The following WDR20 variants were observed in gnomAD, a reference collection of about 807,000 sequenced individuals.
WDR20 encodes the protein WD repeat domain 20, also known as WD repeat-containing protein 20.
A neutral mutation model predicts 38.7 loss-of-function variants in WDR20; 3 were observed. The ratio of observed to expected loss-of-function variants is 0.08; its 90% CI spans 0.04 to 0.20. The LOEUF is 0.20. Among genes scored for constraint, WDR20 ranks in the 10% least tolerant of loss-of-function variants. The pLI is 1.00. For missense variants in WDR20, 559 were observed against 727.7 expected, an observed-to-expected ratio of 0.77 and a Z score of 2.67; for synonymous variants, 298 against 285.6, an observed-to-expected ratio of 1.04 and a Z score of -0.44.
chr14:102,149,074 A>G (rs536551836), intron 1 of WDR20, among the ~76,000 whole-genome samples: 25 of 152,220 alleles, frequency 1.6e-4, no homozygotes, highest in African/African-American at 4.8e-4. Context: ...GAGGCAGGAG[A>G]ATACTTGAAC....
chr14:102,211,757 C>T (rs1183463796), downstream of WDR20, among the ~76,000 whole-genome samples: 1 of 152,220 alleles, frequency 6.6e-6, no homozygotes, highest in Non-Finnish European at 1.5e-5. The surrounding 1 kb of genome is among the most constrained non-coding windows in gnomAD (Gnocchi z 4.2). Flanking sequence ...GCAACTTTTG[C>T]ACCTACATAG....
chr14:102,193,368 C>T (rs2058860539), intron 1 of WDR20: 6 of 1,325,968 alleles, frequency 4.5e-6, no homozygotes, highest in African/African-American at 2.9e-5. Context: ...CTTTTCTCCT[C>T]GCTCCAGTCA....
chr14:102,171,256 T>TC lies in WDR20; in HGVS notation c.250-23682_250-23681insC, dbSNP rs551136051. 5.9e-3 allele frequency: 425 copies of TC among 71,598 alleles called. 6 individuals are homozygous for TC. Among genetic ancestry groups the TC allele is most frequent in the East Asian group, 0.048 (175 of 3,622 alleles). The allele number at this position is 71,598 out of a possible 1,614,324, so 4.4% of individuals were successfully genotyped here. ...CAAGCCACTGCGCCTGGCCTCTCTC[T>TC]TTTTTTTTTTTTTTTTTTTTTTTAG... On this transcript the variant is annotated intron_variant, in intron 1 of 2. Coordinates refer to ENST00000342702, the MANE Select transcript of WDR20 (RefSeq NM_144574.4).
At chr14:102,180,570 G>A (rs1264530043) in intron 1 of WDR20, among the ~76,000 whole-genome samples, 1 of 152,212 alleles carries the variant, frequency 6.6e-6, no homozygotes, top group African/African-American at 2.4e-5. Flanking sequence ...AGAATTTTGT[G>A]AGAGCAGGGC....
chr14:102,162,625 C>T (rs567840407), intron 1 of WDR20, among the ~76,000 whole-genome samples: 1 of 152,142 alleles, frequency 6.6e-6, no homozygotes, highest in Non-Finnish European at 1.5e-5. Flanking sequence ...CTCTCACGCT[C>T]TCTCGCCCTC....
At chr14:102,150,876 C>A (rs1227581400) in intron 1 of WDR20, among the ~76,000 whole-genome samples, 3 of 152,138 alleles carry the variant, frequency 2.0e-5, no homozygotes, top group African/African-American at 7.2e-5. Context: ...TGTTAAGAAT[C>A]TCTGCTGTCA....
intron 1 of WDR20, among the ~76,000 whole-genome samples, chr14:102,144,788 C>G (rs1380068687): frequency 2.6e-5 from 4 of 151,972 alleles, no homozygotes; most frequent in Non-Finnish European, 5.9e-5. Flanking sequence ...ACTGCAACCT[C>G]TGCCGCCCGG....
At chr14:102,219,871 G>A (rs895214744), downstream of WDR20, among the ~76,000 whole-genome samples, 6 of 152,230 alleles carry the variant, frequency 3.9e-5, no homozygotes, top group East Asian at 3.8e-4. Context: ...GTTTGAGGGC[G>A]GTTGATTCAA....
chr14:102,172,868 G>A (rs1332635060), intron 1 of WDR20, among the ~76,000 whole-genome samples: 1 of 146,224 alleles, frequency 6.8e-6, no homozygotes, highest in Non-Finnish European at 1.5e-5. Context: ...GCGGTTGCCA[G>A]GCGGAGGGTC....
downstream of WDR20, chr14:102,214,870 CTTTGT>C (rs1025030589): frequency 3.4e-5 from 33 of 981,772 alleles, no homozygotes; most frequent in Non-Finnish European, 3.6e-5. Context: ...TGTTTCACTG[CTTTGT>C]TTTTTTTTTT....
chr14:102,150,547 C>T (rs2055433788), intron 1 of WDR20, among the ~76,000 whole-genome samples: 1 of 152,178 alleles, frequency 6.6e-6, no homozygotes, highest in African/African-American at 2.4e-5. Flanking sequence ...ATTGCTCTGC[C>T]ATGAAGCTGT....
At chr14:102,169,985 T>A (rs1354611380) in intron 1 of WDR20, among the ~76,000 whole-genome samples, 1 of 152,184 alleles carries the variant, frequency 6.6e-6, no homozygotes, top group Admixed American at 6.5e-5. Context: ...AGTGCCACCC[T>A]GTCCCCCTCC....
At chr14:102,191,844 T>G (rs1255254339) in intron 1 of WDR20, among the ~76,000 whole-genome samples, 1 of 152,242 alleles carries the variant, frequency 6.6e-6, no homozygotes, top group African/African-American at 2.4e-5. Flanking sequence ...ACAGTGCCAC[T>G]CACACTAGTG....
At chr14:102,161,731 A>T (rs1276038579) in intron 1 of WDR20, among the ~76,000 whole-genome samples, 1 of 152,038 alleles carries the variant, frequency 6.6e-6, no homozygotes, top group Non-Finnish European at 1.5e-5. Context: ...TCTGCTTTCT[A>T]CCGTGTTTCA....
intron 1 of WDR20, among the ~76,000 whole-genome samples, chr14:102,175,925 C>G (rs2061955175): frequency 6.6e-6 from 1 of 152,106 alleles, no homozygotes; most frequent in South Asian, 2.1e-4. Flanking sequence ...TTACTGAATT[C>G]ATTTATCAGA....
At chr14:102,210,805 G>T (rs868284407), downstream of WDR20, among the ~76,000 whole-genome samples, 2 of 152,108 alleles carry the variant, frequency 1.3e-5, no homozygotes, top group African/African-American at 4.8e-5. Flanking sequence ...GCTTTGTTTC[G>T]TAAAGCCTGA....
rs35959723 is a variant in WDR20 at position 102,140,692 on chromosome 14, A to G, written c.249+520A>G. ...CCTGCTCGGCACGCAGGGCTACTCC[A>G]CCTGCTGCCGCACTGACACTTCCTA... On this transcript the variant is annotated intron_variant, in intron 1 of 2. Coordinates refer to ENST00000342702, the MANE Select transcript of WDR20 (RefSeq NM_144574.4). Among the ~76,000 whole-genome samples the G allele has an allele frequency of 1.2e-3, 178 of 152,270 alleles. 1 individual carries two copies. The highest frequency in any genetic ancestry group is 4.1e-3 in the African/African-American group (170 of 41,544).
intron 1 of WDR20, among the ~76,000 whole-genome samples, chr14:102,165,220 T>G (rs2059518247): frequency 6.6e-6 from 1 of 152,174 alleles, no homozygotes; most frequent in Admixed American, 6.5e-5. Flanking sequence ...CCTCCTCAGC[T>G]CCAGAGCTCC....
chr14:102,170,966 T>A (rs777206004), intron 1 of WDR20, among the ~76,000 whole-genome samples: 126 of 152,194 alleles, frequency 8.3e-4, no homozygotes, highest in African/African-American at 2.9e-3. Flanking sequence ...TTTTAATAAT[T>A]ATTATTATTT....
Sources: gnomAD v4.1 joint callset for allele counts (sites outside exome capture counted in the v4.1 genomes callset) on GRCh38, gnomAD v4.1.1 for gene constraint, Gnocchi (gnomAD v3.1) non-coding constraint, MANE v1.5 for transcripts, NCBI Gene and HGNC (gene_info 2026-07-23, HGNC 2026-07-21) for gene names.